PLEKHM3: variants seen among roughly 807,000 people sequenced by gnomAD.
PLEKHM3 encodes the protein pleckstrin homology domain-containing family M member 3.
PLEKHM3 carries 45 observed loss-of-function variants against 81.8 expected under a neutral mutation model. The observed-to-expected ratio is 0.55, with a 90% CI of 0.43 to 0.71. The LOEUF is 0.71. Among genes scored for constraint, PLEKHM3 ranks in the 30% least tolerant of loss-of-function variants. The pLI is 0.00. For missense variants in PLEKHM3, 788 were observed against 924.3 expected, an observed-to-expected ratio of 0.85 and a Z score of 1.91; for synonymous variants, 352 against 356.4, an observed-to-expected ratio of 0.99 and a Z score of 0.14.
chr2:207,913,441 G>C (rs1688875238), intron 5 of PLEKHM3, among the ~76,000 whole-genome samples: 2 of 152,152 alleles, frequency 1.3e-5, no homozygotes. Context: ...GCCAGCACCA[G>C]GGAAGCCAAG....
chr2:207,985,809 A>AC (rs1691696569), intron 2 of PLEKHM3, among the ~76,000 whole-genome samples: 1 of 152,026 alleles, frequency 6.6e-6, no homozygotes, highest in African/African-American at 2.4e-5. Flanking sequence ...ACACAGTGAA[A>AC]CCCCGTCTCT....
intron 1 of PLEKHM3, among the ~76,000 whole-genome samples, chr2:208,024,409 T>C (rs1261201676): frequency 2.0e-5 from 3 of 152,180 alleles, no homozygotes; most frequent in Admixed American, 6.5e-5. Flanking sequence ...ATTTCTTCTA[T>C]GTATATCTAT....
intron 5 of PLEKHM3, among the ~76,000 whole-genome samples, chr2:207,915,659 C>A (rs1300024009): frequency 6.6e-6 from 1 of 152,192 alleles, no homozygotes; most frequent in Non-Finnish European, 1.5e-5. Flanking sequence ...AGACCCACAA[C>A]ATACACACAT....
At chr2:207,953,151 T>C (rs1463185657) in intron 3 of PLEKHM3, among the ~76,000 whole-genome samples, 1 of 107,534 alleles carries the variant, frequency 9.3e-6, no homozygotes, top group African/African-American at 2.9e-5. Context: ...CCACGTGTAA[T>C]TGCTAATGCG....
intron 6 of PLEKHM3, among the ~76,000 whole-genome samples, chr2:207,873,497 A>C (rs1450640181): frequency 6.6e-6 from 1 of 152,250 alleles, no homozygotes; most frequent in Non-Finnish European, 1.5e-5. Context: ...AAACTTGTTG[A>C]ATAGCTCCAA....
chr2:207,947,095 A>C (rs1361382385), intron 3 of PLEKHM3, among the ~76,000 whole-genome samples: 4 of 152,170 alleles, frequency 2.6e-5, no homozygotes, highest in African/African-American at 7.2e-5. Flanking sequence ...AATCATTGTA[A>C]GGAATTTGGC....
In PLEKHM3 at chr2:207,866,219, G is replaced by C. The variant is rs142376625; in HGVS notation, c.1951-4957C>G. On this transcript the variant is annotated intron_variant, in intron 6 of 7. Transcript: ENST00000427836. The stretch of plus-strand genomic sequence containing the variant: ...CACCCAGGCTGGAGTGCAGTGGTGT[G>C]ATCTAGGCTCACTGCAACCTCTGCC... 8.1e-4 allele frequency among the ~76,000 whole-genome samples: 123 copies of C among 152,168 alleles called. 1 individual carries two copies. In the East Asian group the frequency reaches 0.02, roughly 24 times the overall value.
chr2:208,001,020 A>T lies in PLEKHM3; in HGVS notation c.610+10T>A, dbSNP rs1033833751. The T allele has an allele frequency of 2.7e-6, 4 of 1,488,990 alleles. No individual in the cohort carries two copies. The highest frequency in any genetic ancestry group is 1.4e-5 in the African/African-American group (1 of 70,024). The allele number at this position is 1,488,990 out of a possible 1,614,324, so 92.2% of individuals were successfully genotyped here. ...AAAAAAAAGGAAATAAATAAAATTT[A>T]AAAACATACCAGTATTTCCTTGAGC... is the stretch of plus-strand genomic sequence containing the variant. On this transcript the variant is annotated intron_variant, in intron 2 of 7. Transcript: ENST00000427836.
chr2:207,977,501 A>G lies in PLEKHM3; in HGVS notation c.696T>C (p.Tyr232=), dbSNP rs149588922. 1.3e-4 allele frequency: 216 copies of G among 1,614,220 alleles called. No individual in the cohort carries two copies. In the African/African-American group the frequency reaches 2.1e-3, roughly 16 times the overall value. ...KDHDSYWQSC[Y]AELSPYNLYF... ...ATAAGTTGTAAGGTGAAAGTTCTGC[A>G]TAACAGCTTTGCCAGTAACTGTCAT... The change falls in exon 3 of 8, where the codon TAT becomes TAC. Residue 232 remains tyrosine (Y), a synonymous_variant. Transcript: ENST00000427836.
At chr2:207,908,377 C>A in intron 6 of PLEKHM3, 137 bp downstream of exon 6, 1 of 821,510 alleles carries the variant, frequency 1.2e-6, no homozygotes, top group Non-Finnish European at 2.0e-6. Context: ...AGTTTTCCCC[C>A]CATTCTGAAA....
chr2:208,016,305 CA>C (rs1178730674), intron 1 of PLEKHM3, among the ~76,000 whole-genome samples: 1 of 152,026 alleles, frequency 6.6e-6, no homozygotes, highest in African/African-American at 2.4e-5. Flanking sequence ...AACAAAATAA[CA>C]AAATTGAGCC....
chr2:207,982,795 T>C (rs1691579800), intron 2 of PLEKHM3, among the ~76,000 whole-genome samples: 1 of 151,794 alleles, frequency 6.6e-6, no homozygotes, highest in Non-Finnish European at 1.5e-5. Flanking sequence ...GCCAGGCTGG[T>C]GTCAAAACTC....
At chr2:207,835,045 A>C (rs2092311089) in intron 7 of PLEKHM3, among the ~76,000 whole-genome samples, 1 of 150,790 alleles carries the variant, frequency 6.6e-6, no homozygotes, top group Non-Finnish European at 1.5e-5. Context: ...GTTTCGAGTG[A>C]TTCTCTTGCC....
In PLEKHM3 at chr2:208,001,526, C is replaced by T; in HGVS notation, c.114G>A (p.Gly38=). 1.2e-6 allele frequency: 2 copies of T among 1,614,166 alleles called. No individual in the cohort carries two copies. The highest frequency in any genetic ancestry group is 1.6e-4 in the Middle Eastern group (1 of 6,062). ...EKAVQQAEVY[G]IQEVPELVGH... ...CCACCAGTTCAGGGACTTCCTGGAT[C>T]CCATAAACCTCTGCCTGCTGCACAG... Residue 38 remains glycine, a synonymous_variant, in exon 2 of 8, where the codon GGG becomes GGA. Coordinates refer to ENST00000427836, the MANE Select transcript of PLEKHM3 (RefSeq NM_001080475.3).
At chr2:207,866,146 T>C (rs1377015233) in intron 6 of PLEKHM3, among the ~76,000 whole-genome samples, 2 of 152,046 alleles carry the variant, frequency 1.3e-5, no homozygotes, top group African/African-American at 2.4e-5. Context: ...ATCTCTTCCC[T>C]CAAACCTTTA....
chr2:207,979,239 T>C (rs1415238527), intron 2 of PLEKHM3, among the ~76,000 whole-genome samples: 1 of 152,078 alleles, frequency 6.6e-6, no homozygotes, highest in African/African-American at 2.4e-5. Flanking sequence ...TTATCAGACA[T>C]GAAAATGACA....
chr2:208,013,351 A>G lies in PLEKHM3; in HGVS notation c.-318-11394T>C, dbSNP rs189373022. 2.6e-3 allele frequency among the ~76,000 whole-genome samples: 395 copies of G among 151,704 alleles called. 2 individuals carry two copies. The highest frequency in any genetic ancestry group is 9.0e-3 in the African/African-American group (371 of 41,338). ...GCCAACATAGCGAAACCCCATCTCT[A>G]CTAAAAATATAAAAATTAGCCAGGC... is the stretch of plus-strand genomic sequence containing the variant. On this transcript the variant is annotated intron_variant, in intron 1 of 7. Transcript: ENST00000427836.
At chr2:207,926,011 CT>C (rs748668533) in intron 5 of PLEKHM3, among the ~76,000 whole-genome samples, 2 of 151,926 alleles carry the variant, frequency 1.3e-5, no homozygotes, top group Non-Finnish European at 2.9e-5. Flanking sequence ...ATTACATGGC[CT>C]TGGGGTTAAA....
At chr2:207,925,599 C>T (rs531464378) in intron 5 of PLEKHM3, among the ~76,000 whole-genome samples, 1 of 152,164 alleles carries the variant, frequency 6.6e-6, no homozygotes, top group African/African-American at 2.4e-5. Context: ...GAGCTCAGGC[C>T]GTCCAACTTA....
Sources: allele counts gnomAD v4.1 joint callset (sites outside exome capture counted in the v4.1 genomes callset), GRCh38; gene constraint gnomAD v4.1.1; transcripts MANE v1.5; gene names NCBI Gene and HGNC (gene_info 2026-07-23, HGNC 2026-07-21).